The following POU6F2 variants were observed in gnomAD, a reference collection of about 807,000 sequenced individuals.
POU6F2 encodes POU class 6 homeobox 2.
Under a neutral mutation model 71.3 loss-of-function variants are expected in POU6F2, and 31 were observed. That is an observed-to-expected ratio of 0.43 (90% CI 0.33 to 0.59). The LOEUF is 0.59. POU6F2 is among the 20% of genes least tolerant of loss of function. The pLI, the probability that POU6F2 is intolerant of heterozygous loss-of-function variation, is 0.04. For synonymous variants in POU6F2, 347 were observed against 355.7 expected, an observed-to-expected ratio of 0.98 and a Z score of 0.27; for missense variants, 783 against 856.8, an observed-to-expected ratio of 0.91 and a Z score of 1.07.
chr7:39,376,346 A>T (rs1786710215), intron 5 of POU6F2, among the ~76,000 whole-genome samples: 1 of 152,168 alleles, frequency 6.6e-6, no homozygotes, highest in Non-Finnish European at 1.5e-5. Context: ...GGTCTGCTAA[A>T]ATTAAGTATG....
chr7:39,243,213 G>A, intron 4 of POU6F2, among the ~76,000 whole-genome samples: 1 of 151,984 alleles, frequency 6.6e-6, no homozygotes, highest in South Asian at 2.1e-4. Flanking sequence ...TTACCAACTG[G>A]ATCAAGAGTG....
rs1470326709 is a variant in POU6F2 at position 39,120,608 on chromosome 7, C to T, written c.277+34577C>T. 2.0e-5 allele frequency among the ~76,000 whole-genome samples: 3 copies of T among 152,150 alleles called. No homozygotes were observed. The East Asian group carries it at 5.8e-4, about 29-fold the overall frequency. The stretch of plus-strand genomic sequence containing the variant: ...CTTTGTATTAAACATGTTTCTATTC[C>T]ATTCTTCTCTATTTCATGTTTAAAA... On this transcript the variant is annotated intron_variant, in intron 2 of 9. Transcript: ENST00000518318.
At position 38,985,268 on chromosome 7, in the gene POU6F2, C is replaced by G. The variant is rs532879982; in HGVS notation, c.105+7210C>G. On this transcript the variant is annotated intron_variant, in intron 1 of 9. Transcript: ENST00000518318. ...TACTAGAAAACAAGCCTCTTTCAAC[C>G]TTTTCTCCAAAAGGTTGAGAGTTAG... Among the ~76,000 whole-genome samples, 5 of 152,132 alleles carry G rather than the reference C, an allele frequency of 3.3e-5. No individual in the cohort carries two copies. In the South Asian group the frequency reaches 1.0e-3, roughly 32 times the overall value.
At chr7:39,082,737 T>A (rs1791149000) in intron 1 of POU6F2, among the ~76,000 whole-genome samples, 1 of 151,272 alleles carries the variant, frequency 6.6e-6, no homozygotes, top group Non-Finnish European at 1.5e-5. Flanking sequence ...GCTGCAGCTG[T>A]GATTAAAAGC....
intron 5 of POU6F2, among the ~76,000 whole-genome samples, chr7:39,348,617 A>G (rs1035533561): frequency 2.0e-5 from 3 of 152,196 alleles, no homozygotes; most frequent in African/African-American, 7.2e-5. Context: ...AAGTGTCTCT[A>G]TTTATATCTT....
At chr7:39,400,778 G>A (rs141337100) in intron 5 of POU6F2, among the ~76,000 whole-genome samples, 1 of 152,254 alleles carries the variant, frequency 6.6e-6, no homozygotes, top group African/African-American at 2.4e-5. Flanking sequence ...TTACCATTAA[G>A]TGAAAATAAA....
chr7:39,277,327 T>A (rs1258759375), intron 4 of POU6F2, among the ~76,000 whole-genome samples: 2 of 152,162 alleles, frequency 1.3e-5, no homozygotes, highest in East Asian at 3.9e-4. Flanking sequence ...ATGCTGAGGT[T>A]GGGCTTCTAT....
At chr7:39,437,544 C>G (rs1343422784) in intron 7 of POU6F2, among the ~76,000 whole-genome samples, 2 of 151,892 alleles carry the variant, frequency 1.3e-5, no homozygotes, top group African/African-American at 4.8e-5. Context: ...AGTGGTCTAC[C>G]TATTTTGTTA....
intron 5 of POU6F2, among the ~76,000 whole-genome samples, chr7:39,383,311 T>C (rs1786868536): frequency 6.6e-6 from 1 of 152,208 alleles, no homozygotes; most frequent in African/African-American, 2.4e-5. Context: ...CATTCAAAAA[T>C]CCTGGTGATC....
chr7:39,044,002 T>G (rs1433280691), intron 1 of POU6F2, among the ~76,000 whole-genome samples: 1 of 151,862 alleles, frequency 6.6e-6, no homozygotes, highest in Non-Finnish European at 1.5e-5. Flanking sequence ...GAGGCAGTGA[T>G]TCTCATGCCC....
intron 2 of POU6F2, among the ~76,000 whole-genome samples, chr7:39,191,291 A>G (rs940724530): frequency 6.6e-6 from 1 of 152,236 alleles, no homozygotes; most frequent in African/African-American, 2.4e-5. Flanking sequence ...TTTTACATCA[A>G]TAACATCTTG....
At chr7:39,239,025 C>T (rs1207313497) in intron 4 of POU6F2, among the ~76,000 whole-genome samples, 1 of 152,124 alleles carries the variant, frequency 6.6e-6, no homozygotes, top group East Asian at 1.9e-4. Flanking sequence ...GCTGTTGAAG[C>T]ATTCTATACC....
intron 4 of POU6F2, among the ~76,000 whole-genome samples, chr7:39,336,835 A>G (rs148430795): frequency 6.6e-6 from 1 of 152,346 alleles, no homozygotes; most frequent in East Asian, 1.9e-4. Flanking sequence ...GTATGGTCTT[A>G]TATTTTGGCA....
chr7:39,188,199 G>A (rs928805129), intron 2 of POU6F2, among the ~76,000 whole-genome samples: 1 of 152,184 alleles, frequency 6.6e-6, no homozygotes, highest in African/African-American at 2.4e-5. Context: ...TTTTAGAGTT[G>A]AAGAAACTAA....
At chr7:39,161,500 T>C (rs1184871285) in intron 2 of POU6F2, among the ~76,000 whole-genome samples, 1 of 152,190 alleles carries the variant, frequency 6.6e-6, no homozygotes, top group Non-Finnish European at 1.5e-5. Context: ...GTATTAACCC[T>C]GCCAGGCAGA....
At chr7:39,157,508 T>A (rs1488305351) in intron 2 of POU6F2, among the ~76,000 whole-genome samples, 3 of 152,200 alleles carry the variant, frequency 2.0e-5, no homozygotes, top group African/African-American at 7.2e-5. Context: ...AAGCTGTTTC[T>A]AGATTATTAA....
intron 1 of POU6F2, among the ~76,000 whole-genome samples, chr7:39,017,088 C>T (rs539462621): frequency 4.2e-4 from 64 of 152,176 alleles, no homozygotes; most frequent in Non-Finnish European, 7.5e-4. Flanking sequence ...TTTTTTCTCC[C>T]TTATGTAACT....
chr7:39,408,414 T>C (rs1562819073), intron 6 of POU6F2, among the ~76,000 whole-genome samples: 1 of 152,244 alleles, frequency 6.6e-6, no homozygotes, highest in Non-Finnish European at 1.5e-5. Context: ...GCTGATTACT[T>C]TGCCAATTAG....
At chr7:39,029,634 A>C (rs1473605837) in intron 1 of POU6F2, among the ~76,000 whole-genome samples, 1 of 132,878 alleles carries the variant, frequency 7.5e-6, no homozygotes, top group East Asian at 4.4e-4. Flanking sequence ...TAAAATGTAT[A>C]CAAATAAAAA....
Sources: allele counts gnomAD v4.1 joint callset (sites outside exome capture counted in the v4.1 genomes callset), GRCh38; gene constraint gnomAD v4.1.1; transcripts MANE v1.5; gene names NCBI Gene and HGNC (gene_info 2026-07-23, HGNC 2026-07-21).